Variants in NUCB2 observed in about 807,000 individuals in gnomAD.
NUCB2 encodes the protein nucleobindin-2.
NUCB2 carries 48 observed loss-of-function variants against 57.9 expected under a neutral mutation model. That is an observed-to-expected ratio of 0.83 (90% CI 0.66 to 1.05). The LOEUF is 1.05. NUCB2 is among the 50% of genes least tolerant of loss of function. The probability of loss-of-function intolerance (pLI) is 0.00; values close to 1 mark genes in which losing one functional copy is unlikely to be tolerated. For missense variants in NUCB2, 442 were observed against 476.2 expected (o/e 0.93, Z 0.67); for synonymous variants, 139 against 152.1 (o/e 0.91, Z 0.64).
At chr11:17,302,145 T>C (rs1176376916) in intron 5 of NUCB2, among the ~76,000 whole-genome samples, 4 of 151,928 alleles carry the variant, frequency 2.6e-5, no homozygotes, top group Non-Finnish European at 4.4e-5. Context: ...AATCTTCCTA[T>C]CTTGACCAAA....
chr11:17,318,144 A>AGCT (rs1227897718), intron 11 of NUCB2, among the ~76,000 whole-genome samples: 1 of 151,796 alleles, frequency 6.6e-6, no homozygotes, highest in African/African-American at 2.4e-5. Flanking sequence ...CCTCCTGAGT[A>AGCT]GCTGAGACCA....
intron 2 of NUCB2, among the ~76,000 whole-genome samples, chr11:17,346,452 T>C (rs1328945197): frequency 7.2e-6 from 1 of 138,394 alleles, no homozygotes; most frequent in Non-Finnish European, 1.7e-5. Flanking sequence ...GCTGATGTTA[T>C]GAAGAGTCTA....
chr11:17,324,354 A>G (rs911518842), intron 11 of NUCB2, among the ~76,000 whole-genome samples: 1 of 152,094 alleles, frequency 6.6e-6, no homozygotes, highest in African/African-American at 2.4e-5. Flanking sequence ...GTGTTTGTAT[A>G]GTTTCAAAAA....
chr11:17,345,775 T>A (rs1223812416), intron 2 of NUCB2, among the ~76,000 whole-genome samples: 1 of 152,222 alleles, frequency 6.6e-6, no homozygotes, highest in African/African-American at 2.4e-5. Context: ...TGGAAAAAGT[T>A]CTACTAGCTT....
chr11:17,315,852 T>C (rs1440009704), intron 11 of NUCB2, among the ~76,000 whole-genome samples: 1 of 152,200 alleles, frequency 6.6e-6, no homozygotes, highest in East Asian at 1.9e-4. Flanking sequence ...TGGAATGGTA[T>C]GCAGTTTGTA....
rs763753445 is a variant in NUCB2, at chr11:17,296,257, A to C, written c.252+46A>C. 4 of 1,260,656 alleles carry C rather than the reference A, an allele frequency of 3.2e-6. No homozygotes were observed. The Admixed American group carries it at 9.0e-5, about 28-fold the overall frequency. 78.1% of individuals were successfully genotyped at this position (1,260,656 alleles called of 1,614,324 possible). On this transcript the variant is annotated intron_variant, in intron 4 of 13. Coordinates refer to ENST00000529010, the MANE Select transcript of NUCB2 (RefSeq NM_005013.4). ...TATACATATATGTATCTTAATTTAA[A>C]ATTTTTTTAGAGATGAGGTCTCACC...
chr11:17,341,389 G>C (rs1262549221), intron 2 of NUCB2, among the ~76,000 whole-genome samples: 6 of 151,816 alleles, frequency 4.0e-5, no homozygotes, highest in East Asian at 1.9e-4. Flanking sequence ...TCCCTGTCTT[G>C]TGCCAGTTTT....
chr11:17,320,667 A>G (rs955773518), intron 11 of NUCB2, among the ~76,000 whole-genome samples: 1 of 152,136 alleles, frequency 6.6e-6, no homozygotes, highest in African/African-American at 2.4e-5. Flanking sequence ...AAAAAACTAA[A>G]AAAGATTTTA....
chr11:17,331,223 A>G, intron 13 of NUCB2, 189 bp from the exon 14 acceptor site: 1 of 525,926 alleles, frequency 1.9e-6, no homozygotes, highest in Non-Finnish European at 3.3e-6. Context: ...TTATGGTAAA[A>G]TGATTTATTT....
rs1951251132 is a variant in NUCB2 at position 17,330,412 on chromosome 11, A to G, written c.1173+115A>G. On this transcript the variant is annotated intron_variant, in intron 12 of 13. Coordinates refer to ENST00000529010, the MANE Select transcript of NUCB2 (RefSeq NM_005013.4). The surrounding 1 kb of genome is among the most constrained non-coding windows in gnomAD (Gnocchi z 4.3). ...TATAGTACACTGCTATAGCTATACT[A>G]TAGTATTTTAAATTTTAATACTTTA... is the stretch of plus-strand genomic sequence containing the variant. The G allele has an allele frequency of 1.8e-6, 1 of 543,912 alleles. No homozygotes were observed. Among genetic ancestry groups the G allele is most frequent in the Admixed American group, 3.7e-5 (1 of 26,992 alleles). The allele number at this position is 543,912 out of a possible 1,614,324, so 33.7% of individuals were successfully genotyped here.
Position 17,295,368 on chromosome 11 carries a change from T to G in NUCB2, c.45T>G (p.Ile15Met). The G allele has an allele frequency of 6.2e-7, 1 of 1,612,784 alleles. No homozygotes were observed. The highest frequency in any genetic ancestry group is 1.1e-5 in the South Asian group (1 of 91,002). Reference sequence around the variant, plus strand: ...TGCTACAGTATTGCTTTCTCTTGATTACATGTTTACTTACTGCTCTTGAAG... The same window carrying G: ...TGCTACAGTATTGCTTTCTCTTGATGACATGTTTACTTACTGCTCTTGAAG... Reference protein sequence around the residue: ...TILLQYCFLLITCLLTALEAV... With the variant: ...TILLQYCFLLMTCLLTALEAV... The change falls in exon 3 of 14, where the codon ATT (isoleucine) becomes ATG (methionine). Residue 15 changes from isoleucine (I) to methionine (M), a missense_variant. Physicochemically the swap from Ile to Met is conservative, Grantham distance 10. Transcript: ENST00000529010.
chr11:17,346,383 G>A (rs190293414), intron 2 of NUCB2, among the ~76,000 whole-genome samples: 68 of 152,318 alleles, frequency 4.5e-4, no homozygotes, highest in African/African-American at 1.5e-3. Context: ...GGTAAATCAT[G>A]TGGAAAAGCA....
chr11:17,329,003 C>A (rs766535401), intron 11 of NUCB2, among the ~76,000 whole-genome samples: 18 of 152,150 alleles, frequency 1.2e-4, no homozygotes, highest in Non-Finnish European at 2.1e-4. Context: ...CTTTACTTAG[C>A]AAGTGATGAA....
intron 2 of NUCB2, among the ~76,000 whole-genome samples, chr11:17,339,486 T>C (rs1952072376): frequency 6.7e-6 from 1 of 149,960 alleles, no homozygotes; most frequent in African/African-American, 2.5e-5. Context: ...TATCTCCTAA[T>C]GCTATCCCTC....
downstream of NUCB2, among the ~76,000 whole-genome samples, chr11:17,336,061 A>T (rs1199310962): frequency 1.3e-5 from 2 of 151,834 alleles, no homozygotes; most frequent in Non-Finnish European, 2.9e-5. Flanking sequence ...TGGATTTCGG[A>T]TTTTTTTGTA....
chr11:17,337,407 C>T (rs1468374944), exon 2 of NUCB2: 3 of 152,174 alleles, frequency 2.0e-5, no homozygotes, highest in African/African-American at 4.8e-5. Context: ...TGAGCTTCAT[C>T]GTTTGTCATG....
intron 6 of NUCB2, among the ~76,000 whole-genome samples, chr11:17,310,096 C>T (rs1157119580): frequency 6.6e-6 from 1 of 152,112 alleles, no homozygotes; most frequent in Non-Finnish European, 1.5e-5. Context: ...CTCAGAGATT[C>T]CAGATAAGAG....
intron 2 of NUCB2, among the ~76,000 whole-genome samples, chr11:17,338,942 G>A (rs1042680876): frequency 6.6e-6 from 1 of 151,912 alleles, no homozygotes; most frequent in African/African-American, 2.4e-5. Flanking sequence ...GGGATTACAG[G>A]TGTGAGCCAC....
intron 2 of NUCB2, among the ~76,000 whole-genome samples, chr11:17,294,801 A>C (rs1040172786): frequency 7.9e-5 from 12 of 151,914 alleles, no homozygotes; most frequent in Non-Finnish European, 1.2e-4. Context: ...TAATCTTTGC[A>C]CTTTGGGAGG....
Sources: gnomAD v4.1 joint callset for allele counts (sites outside exome capture counted in the v4.1 genomes callset) on GRCh38, gnomAD v4.1.1 for gene constraint, Gnocchi (gnomAD v3.1) non-coding constraint, MANE v1.5 for transcripts, NCBI Gene and HGNC (gene_info 2026-07-23, HGNC 2026-07-21) for gene names.